The following ARHGAP40 variants were observed in gnomAD, a reference collection of about 807,000 sequenced individuals.
ARHGAP40 encodes the protein rho GTPase-activating protein 40.
ARHGAP40 carries 43 observed loss-of-function variants against 73.5 expected under a neutral mutation model. The ratio of observed to expected loss-of-function variants is 0.58; its 90% CI spans 0.46 to 0.75. ARHGAP40 has a LOEUF of 0.75. Ranked by LOEUF, ARHGAP40 falls within the 30% of genes least tolerant of loss-of-function variation. The probability of loss-of-function intolerance (pLI) is 0.00; values close to 1 mark genes in which losing one functional copy is unlikely to be tolerated. For synonymous variants in ARHGAP40, 300 were observed against 352.8 expected, an observed-to-expected ratio of 0.85 and a Z score of 1.68; for missense variants, 734 against 861.8, an observed-to-expected ratio of 0.85 and a Z score of 1.86.
intron 1 of ARHGAP40, among the ~76,000 whole-genome samples, chr20:38,620,689 T>C (rs1302877477): frequency 6.6e-6 from 1 of 152,236 alleles, no homozygotes; most frequent in African/African-American, 2.4e-5. Context: ...TATAATTAAC[T>C]GGGACTTGGT....
rs1217957287 is a variant in ARHGAP40 at position 38,646,227 on chromosome 20, G to A, written c.1710+40G>A. 4 of 1,260,666 alleles carry A rather than the reference G, an allele frequency of 3.2e-6. No homozygotes were observed. Among genetic ancestry groups the A allele is most frequent in the Non-Finnish European group, 3.1e-6 (3 of 962,552 alleles). The allele number at this position is 1,260,666 out of a possible 1,614,324, so 78.1% of individuals were successfully genotyped here. A position where few individuals can be genotyped will look rare whatever the true frequency, so the allele number is the denominator to read the frequency against. ...CCCCAGACAGGTGGAGAAGGGCCGA[G>A]GCGACAGGAGGGCACCTGGGGCGCG... On this transcript the variant is annotated intron_variant, in intron 12 of 14. Transcript: ENST00000373345. This position sits in a 1 kb window ranked among gnomAD's most constrained non-coding sequence, Gnocchi z 4.5.
chr20:38,615,192 A>G (rs962819144), intron 1 of ARHGAP40: 33 of 802,908 alleles, frequency 4.1e-5, no homozygotes, highest in Middle Eastern at 2.8e-4. Context: ...GGTAAGTTCC[A>G]TGTAGTAAAG....
intron 1 of ARHGAP40, among the ~76,000 whole-genome samples, chr20:38,609,817 G>T (rs753706636): frequency 6.6e-6 from 1 of 152,238 alleles, no homozygotes; most frequent in African/African-American, 2.4e-5. Flanking sequence ...AGAGAGTGGG[G>T]CAGAGGAGAG....
intron 11 of ARHGAP40, among the ~76,000 whole-genome samples, chr20:38,645,269 C>T (rs575019481): frequency 1.3e-5 from 2 of 152,264 alleles, no homozygotes; most frequent in South Asian, 4.2e-4. Flanking sequence ...ACCCCTTATA[C>T]CCCCATAGTT....
chr20:38,617,187 A>G (rs2088845712), intron 1 of ARHGAP40, among the ~76,000 whole-genome samples: 1 of 152,152 alleles, frequency 6.6e-6, no homozygotes, highest in Admixed American at 6.5e-5. Flanking sequence ...GAGGAGGCTC[A>G]GCCACACCTC....
At chr20:38,615,516 G>T in intron 1 of ARHGAP40, 1 of 640,720 alleles carries the variant, frequency 1.6e-6, no homozygotes, top group Non-Finnish European at 2.9e-6. Context: ...CAGTCTCCTT[G>T]GGCCCTTCAG....
In ARHGAP40 at chr20:38,602,364, C is replaced by G. The variant is rs1334741031; in HGVS notation, c.137+285C>G. On this transcript the variant is annotated intron_variant, in intron 1 of 14. Coordinates refer to ENST00000373345, the Ensembl canonical transcript of ARHGAP40. ...CACTGATTTTCAGATTCTTAGAGAC[C>G]GTGAGTGACGCCAGTATGTGCCATT... Among the ~76,000 whole-genome samples, 3 of 151,362 alleles carry G rather than the reference C, an allele frequency of 2.0e-5. No individual in the cohort carries two copies. In the South Asian group the frequency reaches 6.3e-4, roughly 32 times the overall value.
intron 1 of ARHGAP40, chr20:38,615,319 C>T (rs1315329518): frequency 3.9e-6 from 3 of 773,594 alleles, no homozygotes; most frequent in African/African-American, 3.4e-5. Flanking sequence ...GCTTTTGTTT[C>T]AGGTTAATTG....
intron 1 of ARHGAP40, among the ~76,000 whole-genome samples, chr20:38,603,869 T>C (rs996021020): frequency 6.6e-6 from 1 of 152,206 alleles, no homozygotes; most frequent in African/African-American, 2.4e-5. Context: ...TCTCTGACTC[T>C]GACCTCCACA....
intron 2 of ARHGAP40, among the ~76,000 whole-genome samples, chr20:38,626,023 G>A (rs1220920451): frequency 6.6e-6 from 1 of 152,126 alleles, no homozygotes; most frequent in African/African-American, 2.4e-5. Flanking sequence ...AAAATGTCTG[G>A]CATCATGATA....
exon 6 of ARHGAP40, chr20:38,634,742 C>T: frequency 7.7e-7 from 1 of 1,303,788 alleles, no homozygotes; most frequent in Non-Finnish European, 1.0e-6. Flanking sequence ...ACATCCTCGG[C>T]TTGGACCTGA....
At chr20:38,648,874 C>T (rs1213271162) in intron 14 of ARHGAP40, among the ~76,000 whole-genome samples, 176 bp downstream of exon 14, 2 of 152,196 alleles carry the variant, frequency 1.3e-5, no homozygotes. Context: ...TAAAGGTTAG[C>T]CTGTGCAAGT....
intron 1 of ARHGAP40, among the ~76,000 whole-genome samples, chr20:38,610,579 A>G (rs1029156476): frequency 5.9e-5 from 9 of 152,220 alleles, no homozygotes; most frequent in African/African-American, 2.2e-4. Flanking sequence ...AACTCAAAGC[A>G]TAGAAGCTGT....
chr20:38,648,542 G>C (rs1185083587), intron 13 of ARHGAP40, 101 bp from the exon 14 acceptor site: 31 of 989,678 alleles, frequency 3.1e-5, no homozygotes, highest in Non-Finnish European at 4.1e-5. Context: ...AATCAGTGAG[G>C]ACTGCCCTTT....
intron 1 of ARHGAP40, among the ~76,000 whole-genome samples, chr20:38,619,815 G>A (rs1301672607): frequency 6.6e-6 from 1 of 151,792 alleles, no homozygotes; most frequent in Non-Finnish European, 1.5e-5. Flanking sequence ...GGCCAGGCTT[G>A]ATGGCTTACA....
At chr20:38,625,402 CCTTT>C (rs1248407998) in intron 2 of ARHGAP40, among the ~76,000 whole-genome samples, 1 of 146,386 alleles carries the variant, frequency 6.8e-6, no homozygotes, top group Non-Finnish European at 1.5e-5. Flanking sequence ...TTTTTTTTTT[CCTTT>C]CTTTTCTTTT....
chr20:38,627,483 G>A (rs977872026), intron 3 of ARHGAP40, among the ~76,000 whole-genome samples: 2 of 149,200 alleles, frequency 1.3e-5, no homozygotes, highest in African/African-American at 2.5e-5. Context: ...GTGTGTGTAT[G>A]TTGGTGTGTG....
chr20:38,639,451 A>T, intron 9 of ARHGAP40, 65 bp downstream of exon 9: 3 of 1,271,068 alleles, frequency 2.4e-6, no homozygotes, highest in Non-Finnish European at 3.1e-6. Flanking sequence ...CTTGGTGGAG[A>T]GGGGAAGCCA....
intron 7 of ARHGAP40, among the ~76,000 whole-genome samples, 157 bp from the exon 8 acceptor site, chr20:38,638,604 G>A (rs953543094): frequency 2.0e-5 from 3 of 152,138 alleles, no homozygotes; most frequent in Non-Finnish European, 2.9e-5. Context: ...TCAGAATGCT[G>A]GGCTCATGGA....
Sources: gnomAD v4.1 joint callset for allele counts (sites outside exome capture counted in the v4.1 genomes callset) on GRCh38, gnomAD v4.1.1 for gene constraint, Gnocchi (gnomAD v3.1) non-coding constraint, MANE v1.5 for transcripts, NCBI Gene and HGNC (gene_info 2026-07-23, HGNC 2026-07-21) for gene names.